Variants in MYO1E observed in about 807,000 individuals in gnomAD.
The protein encoded by MYO1E is myosin IE.
MYO1E carries 68 observed loss-of-function variants against 151.1 expected under a neutral mutation model. The ratio of observed to expected loss-of-function variants is 0.45; its 90% CI spans 0.37 to 0.55. The LOEUF (loss-of-function observed/expected upper bound fraction) is 0.55, where lower values mean the gene tolerates loss of function less well. MYO1E is among the 20% of genes least tolerant of loss of function. The probability of loss-of-function intolerance (pLI) is 0.00; values close to 1 mark genes in which losing one functional copy is unlikely to be tolerated. For synonymous variants in MYO1E, 601 were observed against 501.7 expected (o/e 1.20, Z -2.64); for missense variants, 1,363 against 1,389.3 (o/e 0.98, Z 0.30).
intron 4 of MYO1E, among the ~76,000 whole-genome samples, chr15:59,242,013 T>C (rs932851117): frequency 6.6e-6 from 1 of 152,128 alleles, no homozygotes. Flanking sequence ...GGAGTGGAGC[T>C]GGAAGGCAGT....
At chr15:59,268,578 A>C (rs1596392948) in intron 2 of MYO1E, among the ~76,000 whole-genome samples, 8 of 152,264 alleles carry the variant, frequency 5.3e-5, no homozygotes, top group Admixed American at 5.2e-4. Context: ...CAAGAAATAC[A>C]TGAGGCAGGA....
chr15:59,188,172 C>A lies in MYO1E; in HGVS notation c.1850G>T (p.Arg617Leu). The A allele has an allele frequency of 1.2e-6, 2 of 1,614,134 alleles. No individual in the cohort carries two copies. The highest frequency in any genetic ancestry group is 8.5e-7 in the Non-Finnish European group (1 of 1,180,032). Residue 617 changes from arginine to leucine, a missense_variant, in exon 18 of 28, where the codon CGA becomes CTA. By Grantham distance (102) the Arg-to-Leu change is moderately radical. Coordinates refer to ENST00000288235, the MANE Select transcript of MYO1E (RefSeq NM_004998.4). Reference sequence around the variant, plus strand: ...ATAGGCATAGCCAGCTCTTCTCACTCGAATGTTCTCTTTCAGACCCAAATA... The same window carrying A: ...ATAGGCATAGCCAGCTCTTCTCACTAGAATGTTCTCTTTCAGACCCAAATA... ...VEYLGLKENI[R>L]VRRAGYAYRR...
rs901015846 is a variant in MYO1E at position 59,133,643 on chromosome 15, A to G, written c.*3737T>C. 2 of 152,364 alleles carry G rather than the reference A, an allele frequency of 1.3e-5. No individual in the cohort carries two copies. Among genetic ancestry groups the G allele is most frequent in the South Asian group, 2.1e-4 (1 of 4,830 alleles). The allele number at this position is 152,364 out of a possible 1,614,324, so 9.4% of individuals were successfully genotyped here. A position where few individuals can be genotyped will look rare whatever the true frequency, so the allele number is the denominator to read the frequency against. The stretch of plus-strand genomic sequence containing the variant: ...ACAGGGAAAGAGGGCAGAATTGCAG[A>G]AAGGCTCCTCTGGTCTTTCTTTTGA... On this transcript the variant is annotated 3_prime_UTR_variant, in exon 28 of 28. Transcript: ENST00000288235.
At chr15:59,232,797 G>T (rs747031914) in intron 5 of MYO1E, among the ~76,000 whole-genome samples, 28 of 152,312 alleles carry the variant, frequency 1.8e-4, no homozygotes, top group Admixed American at 9.8e-4. Context: ...GTGTAGCAAA[G>T]AGGAGTAAAT....
intron 1 of MYO1E, among the ~76,000 whole-genome samples, chr15:59,372,148 GCCCCC>G (rs1229130759): frequency 6.6e-6 from 1 of 151,246 alleles, no homozygotes; most frequent in Admixed American, 6.6e-5. Context: ...TGCCGGCTGC[GCCCCC>G]CACGTCCCAG....
Position 59,236,507 on chromosome 15 carries a change from A to T in MYO1E, c.420+78T>A, listed in dbSNP as rs1411375770. 6 of 1,295,820 alleles carry T rather than the reference A, an allele frequency of 4.6e-6. No individual in the cohort carries two copies. In the African/African-American group the frequency reaches 8.8e-5, roughly 19 times the overall value. The allele number at this position is 1,295,820 out of a possible 1,614,324, so 80.3% of individuals were successfully genotyped here. A position where few individuals can be genotyped will look rare whatever the true frequency, so the allele number is the denominator to read the frequency against. On this transcript the variant is annotated intron_variant, in intron 5 of 27. Transcript: ENST00000288235. ...ACCAGTGTCTTTTCTGTGGAAGAAA[A>T]ATTCTTTTCTAACAGCAAATGGAGC...
At chr15:59,207,464 A>G (rs757800924) in intron 14 of MYO1E, 8 of 1,613,926 alleles carry the variant, frequency 5.0e-6, no homozygotes, top group Non-Finnish European at 5.9e-6. Flanking sequence ...AGTATTGTCC[A>G]GTACAGCCCC....
At chr15:59,319,632 G>A (rs1352374835) in intron 1 of MYO1E, among the ~76,000 whole-genome samples, 1 of 137,064 alleles carries the variant, frequency 7.3e-6, no homozygotes, top group Non-Finnish European at 1.5e-5. Context: ...AGCCAGGCAC[G>A]GGGGTTCATG....
At chr15:59,299,490 G>A (rs1249071430) in intron 1 of MYO1E, among the ~76,000 whole-genome samples, 3 of 152,072 alleles carry the variant, frequency 2.0e-5, no homozygotes, top group African/African-American at 7.2e-5. Flanking sequence ...TAGGCCTTGG[G>A]GATAGGATGA....
chr15:59,172,490 G>A (rs150698820), intron 21 of MYO1E, among the ~76,000 whole-genome samples: 27 of 152,308 alleles, frequency 1.8e-4, no homozygotes, highest in African/African-American at 6.5e-4. Context: ...TTCATCACAT[G>A]ACCGGGCCCC....
rs7173371 is a variant in MYO1E, at chr15:59,210,298, C to A, written c.1362+216G>T. ...AATTCAATAACAACTTCCATTTGTA[C>A]ATTGACATTTTACTCATATCCACAT... On this transcript the variant is annotated intron_variant, in intron 13 of 27. Transcript: ENST00000288235. Among the ~76,000 whole-genome samples, 66,500 of 151,936 alleles carry A rather than the reference C, an allele frequency of 0.44. 15,679 individuals carry two copies. Among genetic ancestry groups the A allele is most frequent in the South Asian group, 0.6 (2,878 of 4,806 alleles).
At chr15:59,318,625 T>C (rs530934919) in intron 1 of MYO1E, among the ~76,000 whole-genome samples, 1 of 152,286 alleles carries the variant, frequency 6.6e-6, no homozygotes, top group African/African-American at 2.4e-5. Flanking sequence ...AGGAAGATGT[T>C]TTTGTTTTAC....
At chr15:59,164,402 T>C (rs2079553385) in intron 22 of MYO1E, among the ~76,000 whole-genome samples, 1 of 152,216 alleles carries the variant, frequency 6.6e-6, no homozygotes, top group Non-Finnish European at 1.5e-5. Flanking sequence ...GAATTGACCA[T>C]GGTAACATTT....
Position 59,214,325 on chromosome 15 carries a change from A to C in MYO1E, c.1189-11T>G. On this transcript the variant is annotated splice_polypyrimidine_tract_variant and intron_variant, in intron 11 of 27. Transcript: ENST00000288235. ...TTCAAAGCCATTTTTCTGGAAAAAA[A>C]AAGTTATTCACATGTAATTCTTTCA... 1 of 1,579,632 alleles carries C rather than the reference A, an allele frequency of 6.3e-7. No individual in the cohort carries two copies. Among genetic ancestry groups the C allele is most frequent in the Non-Finnish European group, 8.7e-7 (1 of 1,150,584 alleles).
intron 1 of MYO1E, among the ~76,000 whole-genome samples, chr15:59,297,501 T>G (rs925481665): frequency 7.0e-6 from 1 of 143,284 alleles, no homozygotes; most frequent in Non-Finnish European, 1.5e-5. Flanking sequence ...CAGGCCAGTC[T>G]CAAACTCCTG....
intron 1 of MYO1E, among the ~76,000 whole-genome samples, chr15:59,280,615 T>C (rs2080347679): frequency 7.5e-6 from 1 of 134,198 alleles, no homozygotes. Flanking sequence ...AGAGCGAAAG[T>C]CCATCTCAAA....
At chr15:59,206,054 AG>A (rs1246037701) in intron 14 of MYO1E, among the ~76,000 whole-genome samples, 1 of 152,136 alleles carries the variant, frequency 6.6e-6, no homozygotes, top group Non-Finnish European at 1.5e-5. Flanking sequence ...CCATAGCACT[AG>A]GAAGTCCCCA....
chr15:59,259,327 A>G (rs1168895013), intron 3 of MYO1E, among the ~76,000 whole-genome samples: 1 of 152,196 alleles, frequency 6.6e-6, no homozygotes, highest in Non-Finnish European at 1.5e-5. Context: ...CTGTTTCTTT[A>G]AAGTTTCGAT....
intron 26 of MYO1E, among the ~76,000 whole-genome samples, chr15:59,151,495 GTGAGA>G (rs2079478654): frequency 6.6e-6 from 1 of 152,190 alleles, no homozygotes. Flanking sequence ...CCCAAATGAA[GTGAGA>G]TAAGACTTGC....
Sources: gnomAD v4.1 joint callset for allele counts (sites outside exome capture counted in the v4.1 genomes callset) on GRCh38, gnomAD v4.1.1 for gene constraint, MANE v1.5 for transcripts, NCBI Gene and HGNC (gene_info 2026-07-23, HGNC 2026-07-21) for gene names.